PARD3B: variants seen among roughly 807,000 people sequenced by gnomAD.
PARD3B encodes par-3 family cell polarity regulator beta.
PARD3B carries 103 observed loss-of-function variants against 130.2 expected under a neutral mutation model. The ratio of observed to expected loss-of-function variants is 0.79; its 90% CI spans 0.67 to 0.93. The LOEUF (loss-of-function observed/expected upper bound fraction) is 0.93. Ranked by LOEUF, PARD3B falls within the 40% of genes least tolerant of loss-of-function variation. PARD3B has a pLI of 0.00. For synonymous variants in PARD3B, 583 were observed against 553.2 expected (o/e 1.05, Z -0.76); for missense variants, 1,609 against 1,499.2 (o/e 1.07, Z -1.21).
intron 4 of PARD3B, chr2:205,103,831 T>C (rs952156366): frequency 5.6e-6 from 4 of 710,482 alleles, no homozygotes; most frequent in Non-Finnish European, 6.9e-6. Flanking sequence ...CCCTCTAACC[T>C]TTCTGTAGTG....
chr2:205,412,772 G>A (rs1039694944), intron 19 of PARD3B, among the ~76,000 whole-genome samples: 10 of 152,164 alleles, frequency 6.6e-5, no homozygotes, highest in African/African-American at 2.4e-4. Context: ...TTCTGTCTGA[G>A]TTGGTCCGAA....
chr2:204,729,998 AACACACACACACACACACACACAC>A (rs3036396), intron 2 of PARD3B, among the ~76,000 whole-genome samples: 13 of 141,366 alleles, frequency 9.2e-5, no homozygotes, highest in African/African-American at 2.3e-4. Flanking sequence ...CACACACACA[AACACACACACACACACACACACAC>A]ACACACACAC....
intron 11 of PARD3B, among the ~76,000 whole-genome samples, chr2:205,168,288 G>GGAGAGAGAGAGAGAGAGAGAGAGAGAGA (rs761018109): frequency 7.9e-6 from 1 of 126,844 alleles, no homozygotes; most frequent in Admixed American, 8.3e-5. Flanking sequence ...GGTGAGAAAG[G>GGAGAGAGAGAGAGAGAGAGAGAGAGAGA]GAGAGAGAGA....
rs554766103 is a variant in PARD3B at position 205,354,507 on chromosome 2, T to C, written c.2631-46506T>C. Among the ~76,000 whole-genome samples the C allele has an allele frequency of 1.7e-3, 255 of 150,092 alleles. 1 individual carries two copies. Among genetic ancestry groups the C allele is most frequent in the Non-Finnish European group, 3.1e-3 (208 of 67,312 alleles). On this transcript the variant is annotated intron_variant, in intron 18 of 22. Coordinates refer to ENST00000406610, the MANE Select transcript of PARD3B (RefSeq NM_001302769.2). The stretch of plus-strand genomic sequence containing the variant: ...AAATTAAAAAAAATCTTTTTAGAGC[T>C]GGGGTCTCACTACGTTGCCCAGACT...
Position 205,352,444 on chromosome 2 carries a change from G to T in PARD3B, c.2631-48569G>T, listed in dbSNP as rs1305600300. On this transcript the variant is annotated intron_variant, in intron 18 of 22. Coordinates refer to ENST00000406610, the MANE Select transcript of PARD3B (RefSeq NM_001302769.2). This position sits in a 1 kb window ranked among gnomAD's most constrained non-coding sequence, Gnocchi z 5.2. The stretch of plus-strand genomic sequence containing the variant: ...AAGATAATTAACTTCACAGTTCTAA[G>T]TCAGATCTATGCCAGTCACAGAATG... Among the ~76,000 whole-genome samples, 1 of 152,164 alleles carries T rather than the reference G, an allele frequency of 6.6e-6. No homozygotes were observed. The highest frequency in any genetic ancestry group is 1.5e-5 in the Non-Finnish European group (1 of 68,030).
At chr2:205,023,564 TA>T (rs1232337704) in intron 3 of PARD3B, among the ~76,000 whole-genome samples, 1 of 133,874 alleles carries the variant, frequency 7.5e-6, no homozygotes, top group Non-Finnish European at 1.6e-5. Context: ...CCTGTTTTTT[TA>T]AACTGGGAAT....
intron 12 of PARD3B, among the ~76,000 whole-genome samples, chr2:205,174,001 A>G (rs10177768): frequency 0.36 from 54,151 of 152,052 alleles, 9,886 homozygotes; most frequent in Middle Eastern, 0.5. Flanking sequence ...AGAAGAGTCT[A>G]GAAAAAACTG....
At position 204,763,395 on chromosome 2, in the gene PARD3B, A is replaced by G. The variant is rs1235890164; in HGVS notation, c.222+77113A>G. 3.3e-5 allele frequency among the ~76,000 whole-genome samples: 5 copies of G among 152,346 alleles called. No homozygotes were observed. In the South Asian group the frequency reaches 1.0e-3, roughly 32 times the overall value. On this transcript the variant is annotated intron_variant, in intron 2 of 22. Transcript: ENST00000406610. ...ATTATTTTGTGTAAATGCATTTTTC[A>G]GGTCTGATGCATAGGCAACTTTGCC...
intron 16 of PARD3B, among the ~76,000 whole-genome samples, chr2:205,278,531 G>A (rs1249823318): frequency 6.6e-6 from 1 of 152,134 alleles, no homozygotes; most frequent in African/African-American, 2.4e-5. Context: ...TACAGAAATG[G>A]GAGGCTTCTG....
At chr2:205,145,385 T>A (rs771862692) in intron 10 of PARD3B, among the ~76,000 whole-genome samples, 13 of 152,220 alleles carry the variant, frequency 8.5e-5, no homozygotes, top group Non-Finnish European at 1.6e-4. Flanking sequence ...TTTATCCATT[T>A]ATGGAATAAA....
rs145439717 is a variant in PARD3B, at chr2:205,242,941, C to T, written c.2141-2837C>T. 2.7e-3 allele frequency among the ~76,000 whole-genome samples: 407 copies of T among 152,150 alleles called. 3 individuals are homozygous for T. The highest frequency in any genetic ancestry group is 9.4e-3 in the African/African-American group (389 of 41,510). On this transcript the variant is annotated intron_variant, in intron 15 of 22. Transcript: ENST00000406610. ...CAGCGCTTTGGGAGGCCAAAGCAGG[C>T]GGATCACCTGAGGTCAGGAGTTCGA...
chr2:205,240,764 A>G (rs1214901745), intron 15 of PARD3B, among the ~76,000 whole-genome samples: 2 of 152,208 alleles, frequency 1.3e-5, no homozygotes, highest in Non-Finnish European at 2.9e-5. Flanking sequence ...CACTTATGTT[A>G]TAGAATGCGT....
rs376437951 is a variant in PARD3B at position 204,959,480 on chromosome 2, T to C, written c.223-5672T>C. Among the ~76,000 whole-genome samples the C allele has an allele frequency of 1.2e-4, 19 of 152,286 alleles. No individual in the cohort carries two copies. The East Asian group carries it at 3.1e-3, about 25-fold the overall frequency. ...TTATAGTAGAATGATTTATATTCCTTTGGGTATGTACCCAGTAATGGCATT... is the reference window on the plus strand; with the variant it reads ...TTATAGTAGAATGATTTATATTCCTCTGGGTATGTACCCAGTAATGGCATT... On this transcript the variant is annotated intron_variant, in intron 2 of 22. Transcript: ENST00000406610.
At chr2:204,748,356 G>T (rs1278563007) in intron 2 of PARD3B, among the ~76,000 whole-genome samples, 2 of 152,066 alleles carry the variant, frequency 1.3e-5, no homozygotes, top group Non-Finnish European at 2.9e-5. Context: ...TCCTTCCTGA[G>T]CCTGGATTAG....
intron 15 of PARD3B, among the ~76,000 whole-genome samples, chr2:205,199,198 TAAATG>T (rs1253656294): frequency 6.6e-6 from 1 of 152,034 alleles, no homozygotes; most frequent in African/African-American, 2.4e-5. Context: ...ATGTGGTAAA[TAAATG>T]AAAGAAATGG....
At chr2:205,577,085 G>A (rs1353998223) in intron 22 of PARD3B, among the ~76,000 whole-genome samples, 1 of 152,070 alleles carries the variant, frequency 6.6e-6, no homozygotes, top group Admixed American at 6.6e-5. Context: ...AATTTTAATT[G>A]CACTTGTTCA....
intron 19 of PARD3B, among the ~76,000 whole-genome samples, chr2:205,433,532 CAAAAAA>C (rs34275307): frequency 1.1e-4 from 12 of 110,292 alleles, no homozygotes; most frequent in Non-Finnish European, 9.3e-5. Flanking sequence ...GACTCTGTGT[CAAAAAA>C]AAAAAAAAAA....
Position 204,677,453 on chromosome 2 carries a change from T to C in PARD3B, c.121-8728T>C, listed in dbSNP as rs1360165994. ...TCTTTGAAATAGCAAAGTGTTTTCC[T>C]TTTTGTTCTCCAATTTAGACAAGCC... On this transcript the variant is annotated intron_variant, in intron 1 of 22. Coordinates refer to ENST00000406610, the MANE Select transcript of PARD3B (RefSeq NM_001302769.2). This position sits in a 1 kb window ranked among gnomAD's most constrained non-coding sequence, Gnocchi z 4.1. Among the ~76,000 whole-genome samples the C allele has an allele frequency of 2.0e-5, 3 of 152,234 alleles. No homozygotes were observed. The highest frequency in any genetic ancestry group is 2.9e-5 in the Non-Finnish European group (2 of 68,040).
chr2:205,013,566 T>C (rs1341259223), intron 3 of PARD3B, among the ~76,000 whole-genome samples: 1 of 152,176 alleles, frequency 6.6e-6, no homozygotes, highest in African/African-American at 2.4e-5. Context: ...TGTAGGGTGC[T>C]CAGCAGTGTC....
Sources: allele counts gnomAD v4.1 joint callset (sites outside exome capture counted in the v4.1 genomes callset), GRCh38; gene constraint gnomAD v4.1.1; non-coding constraint Gnocchi (gnomAD v3.1); transcripts MANE v1.5; gene names NCBI Gene and HGNC (gene_info 2026-07-23, HGNC 2026-07-21).